SLCO4C1: variants seen among roughly 807,000 people sequenced by gnomAD.
SLCO4C1 encodes the protein organic anion transporter M1.
In SLCO4C1, 58 loss-of-function variants were observed where a neutral mutation model predicts 72.1. The observed-to-expected ratio is 0.80, with a 90% CI of 0.65 to 1.00. SLCO4C1 has a LOEUF of 1.00. SLCO4C1 is among the 50% of genes least tolerant of loss of function. The pLI is 0.00. For missense variants in SLCO4C1, 898 were observed against 857.9 expected (o/e 1.05, Z -0.58); for synonymous variants, 297 against 312.5 (o/e 0.95, Z 0.52).
rs202214957 is a variant in SLCO4C1, at chr5:102,296,139, C to G, written c.124G>C (p.Glu42Gln). The change falls in exon 1 of 13, where the codon GAG (glutamate) becomes CAG (glutamine). Residue 42 changes from glutamate to glutamine, a missense_variant. Physicochemically the swap from Glu to Gln is conservative, Grantham distance 29. Transcript: ENST00000310954. ...TGAAGCTCCTGTGGCTGAGAATTCT[C>G]TCTTTGGGGGTCAGAGGACAAGGCA... ...VSALSSDPQR[E>Q]NSQPQELQKP... is the part of the protein sequence containing the mutation. 1.2e-6 allele frequency: 2 copies of G among 1,614,116 alleles called. No homozygotes were observed. The highest frequency in any genetic ancestry group is 8.5e-7 in the Non-Finnish European group (1 of 1,179,980).
chr5:102,255,052 G>T (rs1445877590), intron 8 of SLCO4C1, among the ~76,000 whole-genome samples: 3 of 149,150 alleles, frequency 2.0e-5, no homozygotes, highest in African/African-American at 7.3e-5. Context: ...CACCTACTTT[G>T]TGACATTAAA....
intron 8 of SLCO4C1, among the ~76,000 whole-genome samples, chr5:102,256,145 C>A (rs905637696): frequency 6.6e-6 from 1 of 151,862 alleles, no homozygotes; most frequent in Non-Finnish European, 1.5e-5. Flanking sequence ...CAGATGTTGC[C>A]GTGAGCCAAG....
chr5:102,251,197 G>C (rs1409421825), intron 8 of SLCO4C1, among the ~76,000 whole-genome samples: 1 of 152,144 alleles, frequency 6.6e-6, no homozygotes, highest in Non-Finnish European at 1.5e-5. Flanking sequence ...AGCCACATGG[G>C]CCTGACAAAA....
intron 10 of SLCO4C1, among the ~76,000 whole-genome samples, chr5:102,245,400 C>G (rs753938369): frequency 1.5e-3 from 227 of 151,876 alleles, no homozygotes; most frequent in Non-Finnish European, 2.7e-3. Context: ...GTCACTATAC[C>G]TAGAAAAAAT....
chr5:102,254,077 C>T (rs1446560359), intron 8 of SLCO4C1, among the ~76,000 whole-genome samples: 3 of 151,990 alleles, frequency 2.0e-5, no homozygotes, highest in Non-Finnish European at 2.9e-5. Context: ...CTCTTTTTAC[C>T]CATCTGTGCT....
chr5:102,285,614 G>A (rs549150213), intron 2 of SLCO4C1, among the ~76,000 whole-genome samples: 34 of 152,264 alleles, frequency 2.2e-4, no homozygotes, highest in African/African-American at 7.9e-4. Context: ...TAGGAAGTAT[G>A]AGAAAGACTG....
intron 11 of SLCO4C1, among the ~76,000 whole-genome samples, chr5:102,239,779 T>C (rs1311119258): frequency 6.6e-6 from 1 of 152,056 alleles, no homozygotes; most frequent in East Asian, 1.9e-4. Context: ...ATAGTATATG[T>C]TGTATCTATG....
At position 102,270,781 on chromosome 5, in the gene SLCO4C1, G is replaced by T; in HGVS notation, c.645C>A (p.Ser215Arg). Reference protein sequence around the residue: ...FEDTCVTTRNSTSCTSSTSSL... With the variant: ...FEDTCVTTRNRTSCTSSTSSL... ...AAGAAGTTGAAGATGTACAACTGGTGCTATTCCTTGTTGTTACACAAGTGT... is the reference window on the plus strand; with the variant it reads ...AAGAAGTTGAAGATGTACAACTGGTTCTATTCCTTGTTGTTACACAAGTGT... The change falls in exon 3 of 13, where the codon AGC (serine) becomes AGA (arginine). Residue 215 changes from serine (S) to arginine (R), a missense_variant. Physicochemically the swap from Ser to Arg is moderately radical, Grantham distance 110. Coordinates refer to ENST00000310954, the MANE Select transcript of SLCO4C1 (RefSeq NM_180991.5). The T allele has an allele frequency of 6.2e-7, 1 of 1,602,310 alleles. No individual in the cohort carries two copies. Among genetic ancestry groups the T allele is most frequent in the Non-Finnish European group, 8.5e-7 (1 of 1,175,134 alleles).
chr5:102,291,219 A>T, intron 2 of SLCO4C1, 124 bp downstream of exon 2: 1 of 962,274 alleles, frequency 1.0e-6, no homozygotes, highest in Non-Finnish European at 1.6e-6. Flanking sequence ...TGAACAAACC[A>T]GTGAGGTGTG....
At chr5:102,278,584 C>A (rs1282489991) in intron 2 of SLCO4C1, among the ~76,000 whole-genome samples, 2 of 152,088 alleles carry the variant, frequency 1.3e-5, no homozygotes, top group Non-Finnish European at 2.9e-5. Flanking sequence ...TCACATCCTG[C>A]GCCATAGAGT....
At chr5:102,286,086 T>C (rs1561381420) in intron 2 of SLCO4C1, among the ~76,000 whole-genome samples, 1 of 152,070 alleles carries the variant, frequency 6.6e-6, no homozygotes. Flanking sequence ...CTTTTGTAAG[T>C]AGTTACCAAG....
Position 102,240,799 on chromosome 5 carries a change from T to G in SLCO4C1, c.1812-17A>C. 2 of 1,588,934 alleles carry G rather than the reference T, an allele frequency of 1.3e-6. No homozygotes were observed. Among genetic ancestry groups the G allele is most frequent in the Non-Finnish European group, 1.7e-6 (2 of 1,160,956 alleles). On this transcript the variant is annotated splice_polypyrimidine_tract_variant and intron_variant, in intron 10 of 12. Coordinates refer to ENST00000310954, the MANE Select transcript of SLCO4C1 (RefSeq NM_180991.5). ...TTAACACACCTGGAAATATTAAATA[T>G]ATATGAGACCAAAAAAGGTGGTATA...
intron 2 of SLCO4C1, among the ~76,000 whole-genome samples, chr5:102,272,190 T>G (rs561259288): frequency 6.6e-6 from 1 of 152,304 alleles, no homozygotes; most frequent in East Asian, 1.9e-4. Flanking sequence ...AGCATTCTAT[T>G]GCATTAACCA....
intron 8 of SLCO4C1, 65 bp from the exon 9 acceptor site, chr5:102,249,853 C>T (rs536888085): frequency 1.4e-5 from 21 of 1,514,028 alleles, no homozygotes; most frequent in Non-Finnish European, 1.8e-5. Context: ...AATTTCGAAG[C>T]ACTGTTATAT....
In SLCO4C1 at chr5:102,242,267, C is replaced by A. The variant is rs185413894; in HGVS notation, c.1812-1485G>T. On this transcript the variant is annotated intron_variant, in intron 10 of 12. Coordinates refer to ENST00000310954, the MANE Select transcript of SLCO4C1 (RefSeq NM_180991.5). ...AAGTTAACTTGAAAGGCAGTCTAGGCCATAGGGACTGCAACTCTTGGGCAA... is the reference window on the plus strand; with the variant it reads ...AAGTTAACTTGAAAGGCAGTCTAGGACATAGGGACTGCAACTCTTGGGCAA... 2.8e-3 allele frequency among the ~76,000 whole-genome samples: 433 copies of A among 152,308 alleles called. 8 individuals carry two copies. The highest frequency in any genetic ancestry group is 0.025 in the Admixed American group (386 of 15,296).
intron 9 of SLCO4C1, among the ~76,000 whole-genome samples, chr5:102,247,892 C>T (rs1255216259): frequency 7.1e-6 from 1 of 141,226 alleles, no homozygotes; most frequent in Non-Finnish European, 1.5e-5. Context: ...AGAAGCAGTG[C>T]TTTCATTGTT....
intron 2 of SLCO4C1, among the ~76,000 whole-genome samples, chr5:102,275,036 G>A (rs1749223653): frequency 6.6e-6 from 1 of 151,934 alleles, no homozygotes; most frequent in African/African-American, 2.4e-5. Flanking sequence ...ATTAAGATTA[G>A]GGCACTGACC....
intron 2 of SLCO4C1, among the ~76,000 whole-genome samples, chr5:102,286,214 G>A (rs955594052): frequency 1.3e-4 from 20 of 152,076 alleles, no homozygotes; most frequent in Non-Finnish European, 2.6e-4. Flanking sequence ...TGAGGGAAAG[G>A]AGATGGAAAA....
intron 2 of SLCO4C1, among the ~76,000 whole-genome samples, chr5:102,282,873 C>A (rs1184946829): frequency 6.6e-6 from 1 of 151,970 alleles, no homozygotes; most frequent in African/African-American, 2.4e-5. Flanking sequence ...GGTGTGTTAC[C>A]ATGAAAACTC....
Sources: allele counts gnomAD v4.1 joint callset (sites outside exome capture counted in the v4.1 genomes callset), GRCh38; gene constraint gnomAD v4.1.1; transcripts MANE v1.5; gene names NCBI Gene and HGNC (gene_info 2026-07-23, HGNC 2026-07-21).